The following PRKAR1B variants were observed in gnomAD, a reference collection of about 807,000 sequenced individuals.
The protein encoded by PRKAR1B is cAMP-dependent protein kinase type I-beta regulatory subunit.
Under a neutral mutation model 46.5 loss-of-function variants are expected in PRKAR1B, and 22 were observed. The observed-to-expected ratio is 0.47, with a 90% confidence interval of 0.34 to 0.68. The LOEUF (loss-of-function observed/expected upper bound fraction) is 0.68, where lower values mean the gene tolerates loss of function less well. Among genes scored for constraint, PRKAR1B ranks in the 30% least tolerant of loss-of-function variants. The pLI is 0.01. For synonymous variants in PRKAR1B, 259 were observed against 217.7 expected (o/e 1.19, Z -1.67); for missense variants, 445 against 535.6 (o/e 0.83, Z 1.67).
At chr7:716,070 C>T (rs1421304511) in intron 1 of PRKAR1B, among the ~76,000 whole-genome samples, 2 of 151,302 alleles carry the variant, frequency 1.3e-5, no homozygotes, top group African/African-American at 2.4e-5. Context: ...TGTTTTGAGA[C>T]AGGGTCTCAC....
At position 579,364 on chromosome 7, in the gene PRKAR1B, C is replaced by A. The variant is rs1353455427; in HGVS notation, c.783G>T (p.Lys261Asn). 3.1e-6 allele frequency: 5 copies of A among 1,613,828 alleles called. No homozygotes were observed. Among genetic ancestry groups the A allele is most frequent in the East Asian group, 2.2e-5 (1 of 44,882 alleles). Residue 261 changes from lysine (K) to asparagine (N), a missense_variant, in exon 9 of 11, where the codon AAG becomes AAT. Physicochemically the swap from Lys to Asn is moderately conservative, Grantham distance 94. Transcript: ENST00000537384. Reference sequence around the variant, plus strand: ...CATCCGCCACGGTCAGACGCTCCCACTTCTCCAGGGACTCTGTCGGGGGAG... The same window carrying A: ...CATCCGCCACGGTCAGACGCTCCCAATTCTCCAGGGACTCTGTCGGGGGAG... ...SKVSILESLE[K>N]WERLTVADAL... is the part of the protein sequence containing the mutation.
At chr7:656,590 A>G (rs1247995071) in intron 4 of PRKAR1B, among the ~76,000 whole-genome samples, 3 of 144,726 alleles carry the variant, frequency 2.1e-5, no homozygotes, top group African/African-American at 7.7e-5. Context: ...ATGAATGGAT[A>G]AATGGAACAA....
chr7:596,014 G>A (rs1295362214), intron 7 of PRKAR1B, 132 bp downstream of exon 7: 1 of 1,202,674 alleles, frequency 8.3e-7, no homozygotes, highest in Non-Finnish European at 1.1e-6. Context: ...TCCTCTCACA[G>A]GCCAGATCTG....
chr7:621,901 G>C (rs1783124610), intron 4 of PRKAR1B, among the ~76,000 whole-genome samples: 1 of 152,202 alleles, frequency 6.6e-6, no homozygotes, highest in Admixed American at 6.5e-5. Flanking sequence ...TGCTGCCATA[G>C]TGTCTGCTGG....
chr7:590,819 C>A (rs1053631513), intron 7 of PRKAR1B, among the ~76,000 whole-genome samples: 2 of 152,110 alleles, frequency 1.3e-5, no homozygotes, highest in African/African-American at 2.4e-5. Flanking sequence ...CCACCCGCTG[C>A]GGGTGCCTGA....
chr7:706,925 A>G (rs1415618031), intron 2 of PRKAR1B, among the ~76,000 whole-genome samples: 1 of 152,202 alleles, frequency 6.6e-6, no homozygotes, highest in African/African-American at 2.4e-5. Flanking sequence ...ATCCTCCATC[A>G]GGGGCTTCTG....
chr7:634,410 T>A (rs1240079189), intron 4 of PRKAR1B, among the ~76,000 whole-genome samples: 1 of 152,022 alleles, frequency 6.6e-6, no homozygotes, highest in East Asian at 1.9e-4. Context: ...CCCAGCAGGT[T>A]GGGGATGCAG....
chr7:675,119 C>A (rs117616574), intron 4 of PRKAR1B, among the ~76,000 whole-genome samples: 1 of 152,218 alleles, frequency 6.6e-6, no homozygotes. Flanking sequence ...CATCGGAGCA[C>A]GGAGAAATCA....
At chr7:559,122 C>T (rs1173529206) in intron 9 of PRKAR1B, among the ~76,000 whole-genome samples, 1 of 152,232 alleles carries the variant, frequency 6.6e-6, no homozygotes, top group Non-Finnish European at 1.5e-5. Flanking sequence ...GGACTACGGC[C>T]GTGAACGAGG....
upstream of PRKAR1B, chr7:727,533 C>T (rs1781387022): frequency 6.8e-6 from 2 of 294,806 alleles, no homozygotes; most frequent in Non-Finnish European, 1.2e-5. Flanking sequence ...TCCCCTGCCT[C>T]ACGTCCCGCC....
chr7:660,743 C>A (rs1305494178), intron 4 of PRKAR1B, among the ~76,000 whole-genome samples: 1 of 125,648 alleles, frequency 8.0e-6, no homozygotes, highest in Admixed American at 7.8e-5. Context: ...CCCACCCCAA[C>A]GGGTCCAAAT....
rs1160918107 is a variant in PRKAR1B, at chr7:596,382, C to G, written c.550-78G>C. The G allele has an allele frequency of 3.3e-6, 5 of 1,515,370 alleles. No homozygotes were observed. The East Asian group carries it at 6.8e-5, about 21-fold the overall frequency. The allele number at this position is 1,515,370 out of a possible 1,614,324, so 93.9% of individuals were successfully genotyped here. ...TCTGCATCCCATACAGAAAGTCCCC[C>G]TTAGCTCTCTCCAGAAGAGGGTCCC... is the stretch of plus-strand genomic sequence containing the variant. On this transcript the variant is annotated intron_variant, in intron 6 of 10. Coordinates refer to ENST00000537384, the MANE Select transcript of PRKAR1B (RefSeq NM_001164760.2).
intron 2 of PRKAR1B, among the ~76,000 whole-genome samples, chr7:683,473 C>T (rs1190061483): frequency 3.3e-5 from 5 of 152,180 alleles, no homozygotes; most frequent in Admixed American, 6.5e-5. Flanking sequence ...TCTGAGACCC[C>T]AGCCCGCCCT....
intron 4 of PRKAR1B, among the ~76,000 whole-genome samples, chr7:652,103 G>A (rs1380834801): frequency 1.5e-5 from 2 of 134,062 alleles, no homozygotes; most frequent in Non-Finnish European, 3.2e-5. Flanking sequence ...CACAGCGCTA[G>A]GAACCTGGGG....
At chr7:562,450 G>A (rs1158398559) in intron 9 of PRKAR1B, among the ~76,000 whole-genome samples, 3 of 152,246 alleles carry the variant, frequency 2.0e-5, no homozygotes, top group Admixed American at 6.5e-5. Flanking sequence ...CCTCCCAGAC[G>A]ACGGCAGACA....
intron 2 of PRKAR1B, among the ~76,000 whole-genome samples, chr7:695,107 A>G (rs140425715): frequency 5.2e-4 from 79 of 152,296 alleles, no homozygotes; most frequent in African/African-American, 1.8e-3. Flanking sequence ...TCGGGACAGA[A>G]GTCGGAGCCC....
In PRKAR1B at chr7:636,937, T is replaced by C. The variant is rs201936280; in HGVS notation, c.441-29485A>G. Among the ~76,000 whole-genome samples the C allele has an allele frequency of 6.6e-5, 10 of 152,082 alleles. No individual in the cohort carries two copies. The East Asian group carries it at 1.9e-3, about 29-fold the overall frequency. On this transcript the variant is annotated intron_variant, in intron 4 of 10. Transcript: ENST00000537384. ...AACGGCCGTGAGGGAAGGGGCCAGG[T>C]GCTGAAGGTGGGGGGTGGGGAGTGC...
At chr7:685,988 T>C (rs896216655) in intron 2 of PRKAR1B, among the ~76,000 whole-genome samples, 5 of 152,108 alleles carry the variant, frequency 3.3e-5, no homozygotes, top group African/African-American at 1.2e-4. Flanking sequence ...GGTGGATATG[T>C]GAAGACCTTT....
At chr7:707,567 G>C (rs1042248272) in intron 2 of PRKAR1B, among the ~76,000 whole-genome samples, 1 of 152,026 alleles carries the variant, frequency 6.6e-6, no homozygotes, top group Non-Finnish European at 1.5e-5. Flanking sequence ...CAGAACCTCA[G>C]AACCTCAGAA....
Sources: gnomAD v4.1 joint callset for allele counts (sites outside exome capture counted in the v4.1 genomes callset) on GRCh38, gnomAD v4.1.1 for gene constraint, MANE v1.5 for transcripts, NCBI Gene and HGNC (gene_info 2026-07-23, HGNC 2026-07-21) for gene names.